Variants in FSTL5 observed in about 807,000 individuals in gnomAD.
The protein encoded by FSTL5 is follistatin like 5.
FSTL5 carries 62 observed loss-of-function variants against 89.1 expected under a neutral mutation model. That is an observed-to-expected ratio of 0.70 (90% confidence interval 0.57 to 0.86). The LOEUF (loss-of-function observed/expected upper bound fraction) is 0.86. FSTL5 is among the 40% of genes least tolerant of loss of function. FSTL5 has a pLI of 0.00. For synonymous variants in FSTL5, 383 were observed against 346.2 expected (o/e 1.11, Z -1.18); for missense variants, 1,057 against 1,001.6 (o/e 1.06, Z -0.75).
intron 6 of FSTL5, among the ~76,000 whole-genome samples, chr4:161,730,234 G>A (rs28640185): frequency 1.2e-4 from 18 of 151,938 alleles, no homozygotes; most frequent in African/African-American, 4.3e-4. Flanking sequence ...TTTCTTTGAG[G>A]ATTGGTGAGC....
chr4:161,992,939 T>C (rs1285530984), intron 3 of FSTL5, among the ~76,000 whole-genome samples: 63 of 3,872 alleles, frequency 0.016, no homozygotes, highest in African/African-American at 0.019. Context: ...TGTATATATA[T>C]ATGTGTGTAT....
At chr4:161,985,485 C>T (rs903282421) in intron 3 of FSTL5, among the ~76,000 whole-genome samples, 12 of 151,932 alleles carry the variant, frequency 7.9e-5, no homozygotes, top group African/African-American at 2.9e-4. Flanking sequence ...TAAATCTTGA[C>T]ATAAAGAAAT....
intron 6 of FSTL5, among the ~76,000 whole-genome samples, chr4:161,738,134 G>A (rs1739884464): frequency 6.6e-6 from 1 of 152,010 alleles, no homozygotes; most frequent in South Asian, 2.1e-4. Context: ...CTTGCACTGA[G>A]TAGGAATGTA....
At chr4:161,505,857 T>C (rs1295963420) in intron 11 of FSTL5, among the ~76,000 whole-genome samples, 3 of 152,048 alleles carry the variant, frequency 2.0e-5, no homozygotes, top group African/African-American at 7.2e-5. Context: ...CTGATGTAAG[T>C]TTTTAGCAGA....
At chr4:162,031,777 A>T (rs779043094) in intron 3 of FSTL5, among the ~76,000 whole-genome samples, 7 of 152,100 alleles carry the variant, frequency 4.6e-5, no homozygotes, top group Non-Finnish European at 8.8e-5. Context: ...CTCTACTAAA[A>T]ATACAAAAAC....
chr4:162,159,132 A>T (rs774123190), intron 1 of FSTL5, among the ~76,000 whole-genome samples: 41 of 151,990 alleles, frequency 2.7e-4, no homozygotes, highest in Non-Finnish European at 5.0e-4. Flanking sequence ...GAATTTTAAA[A>T]ATAATAATAA....
intron 4 of FSTL5, among the ~76,000 whole-genome samples, chr4:161,825,613 T>G (rs1296755203): frequency 6.6e-6 from 1 of 152,176 alleles, no homozygotes; most frequent in Non-Finnish European, 1.5e-5. Flanking sequence ...TGGTTTAATC[T>G]AGGAGGGTTG....
intron 3 of FSTL5, among the ~76,000 whole-genome samples, chr4:162,027,387 T>C (rs1310599872): frequency 1.3e-5 from 2 of 152,134 alleles, no homozygotes; most frequent in South Asian, 2.1e-4. Context: ...TTTTGAACAA[T>C]TGCTAATTAT....
rs183553738 is a variant in FSTL5, at chr4:161,393,912, A to G, written c.1842-7463T>C. ...GTCAGGCCTCTCATTTTCCAAACCAACAAGAAACCATATTAGCGAGCCTTT... is the reference window on the plus strand; with the variant it reads ...GTCAGGCCTCTCATTTTCCAAACCAGCAAGAAACCATATTAGCGAGCCTTT... On this transcript the variant is annotated intron_variant, in intron 15 of 15. Coordinates refer to ENST00000306100, the MANE Select transcript of FSTL5 (RefSeq NM_020116.5). 3.7e-4 allele frequency among the ~76,000 whole-genome samples: 57 copies of G among 152,226 alleles called. No homozygotes were observed. In the East Asian group the frequency reaches 9.5e-3, roughly 25 times the overall value.
At chr4:161,686,733 A>G (rs1737760236) in intron 6 of FSTL5, among the ~76,000 whole-genome samples, 1 of 151,950 alleles carries the variant, frequency 6.6e-6, no homozygotes, top group Admixed American at 6.6e-5. Context: ...TCAATATCAT[A>G]TTTTTGGTGT....
intron 9 of FSTL5, among the ~76,000 whole-genome samples, 195 bp downstream of exon 9, chr4:161,542,337 C>G (rs1731846588): frequency 6.6e-6 from 1 of 151,882 alleles, no homozygotes. Context: ...TATGACAAGA[C>G]TATTATTAAA....
At chr4:161,731,025 T>TC (rs1442121426) in intron 6 of FSTL5, among the ~76,000 whole-genome samples, 5 of 152,200 alleles carry the variant, frequency 3.3e-5, no homozygotes, top group Non-Finnish European at 7.3e-5. Flanking sequence ...TTATTATAGA[T>TC]CTTTAAAACA....
intron 8 of FSTL5, among the ~76,000 whole-genome samples, chr4:161,570,513 A>T (rs1405256028): frequency 6.6e-6 from 1 of 152,204 alleles, no homozygotes; most frequent in East Asian, 1.9e-4. Context: ...AGGGGATTCA[A>T]AGTCTGGCTT....
chr4:161,737,550 C>A (rs185793608), intron 6 of FSTL5, among the ~76,000 whole-genome samples: 201 of 152,010 alleles, frequency 1.3e-3, no homozygotes, highest in African/African-American at 3.8e-3. Flanking sequence ...AATTCACTAC[C>A]TTTTAGTGCC....
intron 12 of FSTL5, among the ~76,000 whole-genome samples, chr4:161,499,679 C>A (rs973133239): frequency 7.9e-5 from 12 of 152,034 alleles, no homozygotes; most frequent in Admixed American, 3.3e-4. Context: ...ATTTTATTTT[C>A]TTAAATATAA....
chr4:161,629,575 C>G (rs1213526475), intron 7 of FSTL5, among the ~76,000 whole-genome samples: 1 of 152,046 alleles, frequency 6.6e-6, no homozygotes, highest in Non-Finnish European at 1.5e-5. Context: ...GAACTTCTGA[C>G]CTCAGGTAAT....
At chr4:162,065,888 TGA>T (rs1466777920) in intron 2 of FSTL5, among the ~76,000 whole-genome samples, 1 of 152,084 alleles carries the variant, frequency 6.6e-6, no homozygotes, top group African/African-American at 2.4e-5. Context: ...TAACTTTGTC[TGA>T]GAGTGACTTT....
intron 3 of FSTL5, among the ~76,000 whole-genome samples, chr4:162,025,501 C>T (rs1431499769): frequency 6.6e-6 from 1 of 151,966 alleles, no homozygotes; most frequent in Non-Finnish European, 1.5e-5. Flanking sequence ...TATTCAGAGT[C>T]TAAATTCTGG....
intron 3 of FSTL5, among the ~76,000 whole-genome samples, chr4:161,949,345 A>G (rs10010703): frequency 0.33 from 49,495 of 151,814 alleles, 9,688 homozygotes; most frequent in Non-Finnish European, 0.43. Context: ...ATTCGGACAG[A>G]AACATCTTTG....
Sources: allele counts gnomAD v4.1 joint callset (sites outside exome capture counted in the v4.1 genomes callset), GRCh38; gene constraint gnomAD v4.1.1; transcripts MANE v1.5; gene names NCBI Gene and HGNC (gene_info 2026-07-23, HGNC 2026-07-21).